Variants in ZPBP observed in about 807,000 individuals in gnomAD.
ZPBP encodes zona pellucida-binding protein 1.
In ZPBP, 26 loss-of-function variants were observed where a neutral mutation model predicts 44.8. The ratio of observed to expected loss-of-function variants is 0.58; its 90% CI spans 0.43 to 0.81. The LOEUF (loss-of-function observed/expected upper bound fraction) is 0.81. Ranked by LOEUF, ZPBP falls within the 30% of genes least tolerant of loss-of-function variation. The probability of loss-of-function intolerance (pLI) is 0.00; values close to 1 mark genes in which losing one functional copy is unlikely to be tolerated. For synonymous variants in ZPBP, 174 were observed against 153.2 expected (o/e 1.14, Z -1.00); for missense variants, 409 against 434.0 (o/e 0.94, Z 0.51).
At chr7:49,940,644 G>T in intron 7 of ZPBP, 1 of 484,018 alleles carries the variant, frequency 2.1e-6, no homozygotes, top group Non-Finnish European at 2.7e-6. Context: ...CAGCAATTAA[G>T]TTCTGAATCC....
At chr7:49,948,210 T>C (rs1385082916) in intron 7 of ZPBP, among the ~76,000 whole-genome samples, 1 of 152,214 alleles carries the variant, frequency 6.6e-6, no homozygotes, top group Admixed American at 6.5e-5. Flanking sequence ...GTATCCAAGC[T>C]AATGCTTGAT....
At chr7:49,985,657 A>AC (rs1562824617) in intron 6 of ZPBP, among the ~76,000 whole-genome samples, 3 of 103,212 alleles carry the variant, frequency 2.9e-5, no homozygotes, top group Admixed American at 9.8e-5. Flanking sequence ...AAAAAAAAAA[A>AC]AAACCTAAAT....
chr7:49,927,502 T>A (rs907602081), intron 1 of ZPBP, among the ~76,000 whole-genome samples: 1 of 151,830 alleles, frequency 6.6e-6, no homozygotes, highest in Non-Finnish European at 1.5e-5. Context: ...TATATTAGAG[T>A]CATATTGGAA....
downstream of ZPBP, among the ~76,000 whole-genome samples, chr7:49,849,197 G>A (rs551829679): frequency 6.6e-6 from 1 of 152,136 alleles, no homozygotes; most frequent in East Asian, 1.9e-4. Context: ...CCTCGGCTGT[G>A]GGGGGAAACC....
At chr7:49,899,895 C>A (rs1473229248) in intron 2 of ZPBP, among the ~76,000 whole-genome samples, 1 of 151,740 alleles carries the variant, frequency 6.6e-6, no homozygotes, top group Non-Finnish European at 1.5e-5. Context: ...GATATGGAAC[C>A]CTTACTAAGA....
In ZPBP at chr7:50,068,276, C is replaced by T. The variant is rs572478323; in HGVS notation, c.335-10135G>A. Among the ~76,000 whole-genome samples, 4 of 152,310 alleles carry T rather than the reference C, an allele frequency of 2.6e-5. No individual in the cohort carries two copies. In the South Asian group the frequency reaches 6.2e-4, roughly 24 times the overall value. On this transcript the variant is annotated intron_variant, in intron 3 of 7. Transcript: ENST00000046087. ...TGCACAAACAGCCTGCTTTTGTTCA[C>T]TCCAAGGCATCGTTCTTCTTGGCTT... is the stretch of plus-strand genomic sequence containing the variant.
intron 2 of ZPBP, among the ~76,000 whole-genome samples, chr7:49,875,482 T>C (rs13245999): frequency 0.73 from 110,589 of 150,686 alleles, 40,728 homozygotes; most frequent in East Asian, 0.88. Context: ...CAATGTGGAG[T>C]CTCTGTGCTG....
chr7:49,869,789 C>A (rs576499124), intron 2 of ZPBP, among the ~76,000 whole-genome samples: 1 of 152,102 alleles, frequency 6.6e-6, no homozygotes, highest in African/African-American at 2.4e-5. Context: ...TGCACGGCCA[C>A]AAACTACATT....
chr7:49,907,078 TG>T (rs1793142578), intron 1 of ZPBP, among the ~76,000 whole-genome samples: 1 of 152,020 alleles, frequency 6.6e-6, no homozygotes, highest in Non-Finnish European at 1.5e-5. Flanking sequence ...TGTGTATGGA[TG>T]TGGAGTGATA....
intron 7 of ZPBP, among the ~76,000 whole-genome samples, chr7:49,938,935 A>G (rs1021910972): frequency 1.3e-5 from 2 of 152,186 alleles, no homozygotes; most frequent in African/African-American, 4.8e-5. Flanking sequence ...ACCATTTTTT[A>G]GAGGAAATAT....
chr7:50,006,044 C>T (rs933318499), intron 6 of ZPBP, among the ~76,000 whole-genome samples: 10 of 151,632 alleles, frequency 6.6e-5, no homozygotes, highest in African/African-American at 2.4e-4. Flanking sequence ...AAAATGGTTA[C>T]AGGAGACATA....
intron 2 of ZPBP, among the ~76,000 whole-genome samples, chr7:49,859,785 TGC>T (rs200452451): frequency 1.4e-4 from 11 of 80,012 alleles, no homozygotes; most frequent in South Asian, 3.8e-4. Flanking sequence ...ACAGTGCGCG[TGC>T]GTGCACACAC....
chr7:49,853,289 C>G (rs1489330990), intron 2 of ZPBP, among the ~76,000 whole-genome samples: 2 of 152,228 alleles, frequency 1.3e-5, no homozygotes. Context: ...CCCTTAGGAA[C>G]CTGTGGCCGG....
intron 7 of ZPBP, among the ~76,000 whole-genome samples, chr7:49,967,526 ATTTAT>A (rs747466132): frequency 2.0e-5 from 3 of 151,790 alleles, no homozygotes; most frequent in Admixed American, 6.6e-5. Context: ...ATGGGATGAG[ATTTAT>A]TTTATTTTAT....
At chr7:49,972,312 A>C (rs1398972058) in intron 7 of ZPBP, among the ~76,000 whole-genome samples, 1 of 151,970 alleles carries the variant, frequency 6.6e-6, no homozygotes, top group African/African-American at 2.4e-5. Flanking sequence ...CTGTTCACAG[A>C]TGACATTATC....
chr7:49,984,880 A>C (rs555567980), intron 6 of ZPBP, among the ~76,000 whole-genome samples: 92 of 152,216 alleles, frequency 6.0e-4, no homozygotes, highest in Middle Eastern at 3.4e-3. Context: ...CTTTCCTTCA[A>C]TGTCATTTTG....
At chr7:49,870,364 C>A (rs946445334) in intron 2 of ZPBP, among the ~76,000 whole-genome samples, 18 of 152,156 alleles carry the variant, frequency 1.2e-4, no homozygotes, top group Admixed American at 9.2e-4. Flanking sequence ...TGCGCCACTG[C>A]ACTCCACCCT....
intron 7 of ZPBP, among the ~76,000 whole-genome samples, chr7:49,973,320 T>C (rs114587183): frequency 0.02 from 3,032 of 151,364 alleles, 76 homozygotes; most frequent in African/African-American, 0.068. Context: ...AACAAAACCA[T>C]AGGCAACAAA....
intron 2 of ZPBP, among the ~76,000 whole-genome samples, chr7:49,898,559 C>T (rs1453071517): frequency 6.6e-5 from 10 of 151,872 alleles, no homozygotes; most frequent in Non-Finnish European, 1.5e-4. Context: ...TTTTTTCTTA[C>T]AACACATTAC....
Sources: allele counts gnomAD v4.1 joint callset (sites outside exome capture counted in the v4.1 genomes callset), GRCh38; gene constraint gnomAD v4.1.1; transcripts MANE v1.5; gene names NCBI Gene and HGNC (gene_info 2026-07-23, HGNC 2026-07-21).